Variants in ANK2 observed in about 807,000 individuals in gnomAD.
ANK2 encodes ankyrin-2.
ANK2 carries 83 observed loss-of-function variants against 360.5 expected under a neutral mutation model. The ratio of observed to expected loss-of-function variants is 0.23; its 90% CI spans 0.19 to 0.28. The LOEUF is 0.28. Among genes scored for constraint, ANK2 ranks in the 10% least tolerant of loss-of-function variants. The probability of loss-of-function intolerance (pLI) is 1.00; values close to 1 mark genes in which losing one functional copy is unlikely to be tolerated. For synonymous variants in ANK2, 1,740 were observed against 1,759.5 expected (o/e 0.99, Z 0.28); for missense variants, 4,201 against 4,795.7 (o/e 0.88, Z 3.66).
At chr4:112,812,379 A>G in the ANK2 span, among the ~76,000 whole-genome samples, 1 of 152,194 alleles carries the variant, frequency 6.6e-6, no homozygotes, top group Admixed American at 6.5e-5. Flanking sequence ...ATATTGACAC[A>G]TCTCCATTGC....
At chr4:112,881,060 A>T (rs1411277060) in intron 1 of ANK2, among the ~76,000 whole-genome samples, 1 of 152,260 alleles carries the variant, frequency 6.6e-6, no homozygotes, top group Non-Finnish European at 1.5e-5. Flanking sequence ...TCTTTTATAA[A>T]AATGAAAATA....
chr4:112,814,704 T>A (rs933295902), upstream of ANK2, among the ~76,000 whole-genome samples: 1 of 152,112 alleles, frequency 6.6e-6, no homozygotes, highest in Non-Finnish European at 1.5e-5. Flanking sequence ...GCTTGCTCTA[T>A]AGAGGACAAC....
chr4:112,820,829 C>T (rs959253692), intron 1 of ANK2, among the ~76,000 whole-genome samples: 1 of 151,972 alleles, frequency 6.6e-6, no homozygotes, highest in African/African-American at 2.4e-5. Flanking sequence ...ACCTTAAACT[C>T]GGGTTCAAAC....
chr4:112,812,276 A>G, the ANK2 span, among the ~76,000 whole-genome samples: 2 of 152,114 alleles, frequency 1.3e-5, no homozygotes, highest in Admixed American at 6.6e-5. Context: ...GTGTCACTCA[A>G]TTATAGTATT....
At chr4:113,279,395 C>G (rs2061414623) in intron 17 of ANK2, among the ~76,000 whole-genome samples, 1 of 152,026 alleles carries the variant, frequency 6.6e-6, no homozygotes, top group Non-Finnish European at 1.5e-5. Context: ...GACTGGTATT[C>G]TAATGATCTC....
intron 22 of ANK2, among the ~76,000 whole-genome samples, chr4:113,301,378 TACACACACACAC>T (rs59844602): frequency 9.2e-4 from 137 of 149,592 alleles, no homozygotes; most frequent in South Asian, 1.9e-3. Flanking sequence ...GATGTTTTGA[TACACACACACAC>T]ACACACACAC....
At chr4:113,375,976 T>C (rs1213905511) in intron 45 of ANK2, among the ~76,000 whole-genome samples, 6 of 152,212 alleles carry the variant, frequency 3.9e-5, no homozygotes, top group Non-Finnish European at 2.9e-5. Flanking sequence ...ATTAGTATTA[T>C]ATAGTACAGT....
chr4:112,870,826 A>G (rs989478930), intron 1 of ANK2, among the ~76,000 whole-genome samples: 3 of 152,208 alleles, frequency 2.0e-5, no homozygotes, highest in Non-Finnish European at 4.4e-5. Context: ...CATTTCAGCA[A>G]AAGAGGCACT....
chr4:112,876,275 C>A (rs1217432859), intron 1 of ANK2, among the ~76,000 whole-genome samples: 1 of 152,100 alleles, frequency 6.6e-6, no homozygotes, highest in Non-Finnish European at 1.5e-5. Context: ...GGAAATCCTG[C>A]TTGGGATTTC....
rs769322588 is a variant in ANK2 at position 113,356,948 on chromosome 4, G to T, written c.8330G>T (p.Cys2777Phe). 1.2e-5 allele frequency: 19 copies of T among 1,614,042 alleles called. No individual in the cohort carries two copies. Among genetic ancestry groups the T allele is most frequent in the Middle Eastern group, 3.3e-4 (2 of 6,060 alleles). The change falls in exon 38 of 46, where the codon TGT becomes TTT. Residue 2777 changes from cysteine (C) to phenylalanine (F), a missense_variant. Around this residue, in one of 4 missense-constraint regions of ANK2, gnomAD observed 2,642 missense variants for 2,714.5 expected, o/e 0.97. Transcript: ENST00000357077. ...DQPKICDGHG[C>F]EAMSPSSSAA... Reference sequence around the variant, plus strand: ...CCAAAAATCTGTGATGGCCATGGATGTGAGGCCATGAGTCCTAGCAGCTCA... The same window carrying T: ...CCAAAAATCTGTGATGGCCATGGATTTGAGGCCATGAGTCCTAGCAGCTCA...
intron 2 of ANK2, among the ~76,000 whole-genome samples, chr4:112,965,831 C>T (rs1289148124): frequency 6.6e-6 from 1 of 152,026 alleles, no homozygotes; most frequent in Non-Finnish European, 1.5e-5. Context: ...TTTCGAATCA[C>T]ATTCTGATTG....
rs28718211 is a variant in ANK2, at chr4:112,997,166, G to A, written c.21+92652G>A. 6.9e-3 allele frequency among the ~76,000 whole-genome samples: 1,055 copies of A among 152,166 alleles called. 10 individuals are homozygous for A. Among genetic ancestry groups the A allele is most frequent in the African/African-American group, 0.024 (1,013 of 41,552 alleles). ...TGTATATATTTATGGTACACAACCTGATATTGTGAAATATGTATGCACTGT... is the reference window on the plus strand; with the variant it reads ...TGTATATATTTATGGTACACAACCTAATATTGTGAAATATGTATGCACTGT... On this transcript the variant is annotated intron_variant, in intron 2 of 30. Coordinates refer to the ANK2 transcript ENST00000503271.
At chr4:113,045,567 C>G (rs1385723345), upstream of ANK2, among the ~76,000 whole-genome samples, 1 of 152,138 alleles carries the variant, frequency 6.6e-6, no homozygotes, top group Non-Finnish European at 1.5e-5. Context: ...ATGAGAATCC[C>G]GTAAAGTCAC....
At chr4:112,849,873 T>C (rs2064235390) in intron 1 of ANK2, among the ~76,000 whole-genome samples, 1 of 152,192 alleles carries the variant, frequency 6.6e-6, no homozygotes. Flanking sequence ...GGTTAGCACT[T>C]GAATCAGTAG....
chr4:113,339,374 A>C, intron 32 of ANK2, 52 bp downstream of exon 32: 1 of 1,424,254 alleles, frequency 7.0e-7, no homozygotes, highest in African/African-American at 1.4e-5. Context: ...CCCTCCAAAA[A>C]AACTGCCCTT....
chr4:113,196,980 A>G (rs746480674), intron 3 of ANK2, among the ~76,000 whole-genome samples: 1 of 152,258 alleles, frequency 6.6e-6, no homozygotes, highest in Admixed American at 6.5e-5. Context: ...CTGTAAACCT[A>G]GTTTATAAAA....
chr4:113,022,590 A>G (rs1207854707), intron 2 of ANK2, among the ~76,000 whole-genome samples: 1 of 152,246 alleles, frequency 6.6e-6, no homozygotes, highest in Non-Finnish European at 1.5e-5. Context: ...TTACCATAAT[A>G]GGAAAATTTA....
At chr4:113,021,323 T>A (rs2058014477) in intron 2 of ANK2, among the ~76,000 whole-genome samples, 1 of 151,898 alleles carries the variant, frequency 6.6e-6, no homozygotes, top group South Asian at 2.1e-4. Context: ...TGAGTTGTTT[T>A]TAACAGCTTC....
intron 2 of ANK2, among the ~76,000 whole-genome samples, chr4:112,959,415 C>T (rs1045564647): frequency 2.6e-5 from 4 of 152,070 alleles, no homozygotes; most frequent in African/African-American, 7.2e-5. Flanking sequence ...TCCTCTCTCC[C>T]GCAGATAAAA....
Sources: gnomAD v4.1 joint callset for allele counts (sites outside exome capture counted in the v4.1 genomes callset) on GRCh38, gnomAD v4.1.1 for gene constraint, gnomAD v4.1.1 regional missense constraint, MANE v1.5 for transcripts, NCBI Gene and HGNC (gene_info 2026-07-23, HGNC 2026-07-21) for gene names.